The following GPR180 variants were observed in gnomAD, a reference collection of about 807,000 sequenced individuals.
The protein encoded by GPR180 is integral membrane protein GPR180.
A neutral mutation model predicts 52.6 loss-of-function variants in GPR180; 53 were observed. The ratio of observed to expected loss-of-function variants is 1.01; its 90% confidence interval spans 0.81 to 1.27. The LOEUF (loss-of-function observed/expected upper bound fraction) is 1.27. Ranked by LOEUF, GPR180 falls within the 50% of genes most tolerant of loss-of-function variation. The pLI is 0.00. For synonymous variants in GPR180, 200 were observed against 193.1 expected (o/e 1.04, Z -0.30); for missense variants, 533 against 527.0 (o/e 1.01, Z -0.11).
At position 94,627,096 on chromosome 13, in the gene GPR180, G is replaced by T; in HGVS notation, c.1248G>T (p.Trp416Cys). The T allele has an allele frequency of 6.2e-7, 1 of 1,612,402 alleles. No homozygotes were observed. The highest frequency in any genetic ancestry group is 8.5e-7 in the Non-Finnish European group (1 of 1,178,896). Residue 416 changes from tryptophan (W) to cysteine (C), a missense_variant, in exon 9 of 9, where the codon TGG becomes TGT. By Grantham distance (215) the Trp-to-Cys change is radical (BLOSUM62 -2). Transcript: ENST00000376958. ...YRLFLSHSLY[W>C]EVSSLSSVTL... is the part of the protein sequence containing the mutation. Reference sequence around the variant, plus strand: ...TCTTTCTGTCTCACAGTCTATACTGGGAAGTTTCTTCACTTTCTTCAGTAA... The same window carrying T: ...TCTTTCTGTCTCACAGTCTATACTGTGAAGTTTCTTCACTTTCTTCAGTAA...
At chr13:94,612,732 T>C (rs912114193) in intron 3 of GPR180, among the ~76,000 whole-genome samples, 2 of 152,364 alleles carry the variant, frequency 1.3e-5, no homozygotes, top group Admixed American at 6.5e-5. Context: ...GTTTATAGTT[T>C]ATACATTCTA....
At position 94,602,027 on chromosome 13, in the gene GPR180, G is replaced by T. The variant is rs769396995; in HGVS notation, c.100G>T (p.Ala34Ser). 5.5e-6 allele frequency: 8 copies of T among 1,453,634 alleles called. No individual in the cohort carries two copies. The South Asian group carries it at 8.3e-5, about 15-fold the overall frequency. The allele number at this position is 1,453,634 out of a possible 1,614,324, so 90.0% of individuals were successfully genotyped here. A position where few individuals can be genotyped will look rare whatever the true frequency, so the allele number is the denominator to read the frequency against. The change falls in exon 1 of 9, where the codon GCC (alanine) becomes TCC (serine). Residue 34 changes from alanine (A) to serine (S), a missense_variant. Ala to Ser is a moderately conservative substitution (Grantham distance 99). Transcript: ENST00000376958. ...GCGGGGCAGCTTCAGCAGCACCGCG[G>T]CCCAGGACGCCCAGGGCCAGCGCAT... is the stretch of plus-strand genomic sequence containing the variant. ...TLRGSFSSTA[A>S]QDAQGQRIGH...
Position 94,623,281 on chromosome 13 carries a change from T to C in GPR180, c.1067T>C (p.Phe356Ser). 1.2e-6 allele frequency: 2 copies of C among 1,612,336 alleles called. No homozygotes were observed. The highest frequency in any genetic ancestry group is 1.7e-6 in the Non-Finnish European group (2 of 1,179,072). Residue 356 changes from phenylalanine (F) to serine (S), a missense_variant, in exon 7 of 9, where the codon TTC becomes TCC. Transcript: ENST00000376958. The part of the protein sequence containing the change: ...TVERSTLKRE[F>S]YITFAKGCIL... ...GAGAGAAGTACACTCAAAAGGGAGTTCTACATCACATTTGCCAAAGTATGG... is the reference window on the plus strand; with the variant it reads ...GAGAGAAGTACACTCAAAAGGGAGTCCTACATCACATTTGCCAAAGTATGG...
rs1401078425 is a variant in GPR180 at position 94,629,180 on chromosome 13, G to A, written c.*2009G>A. 6.6e-6 allele frequency: 1 copy of A among 152,110 alleles called. No homozygotes were observed. Among genetic ancestry groups the A allele is most frequent in the Non-Finnish European group, 1.5e-5 (1 of 67,974 alleles). The allele number at this position is 152,110 out of a possible 1,614,324, so 9.4% of individuals were successfully genotyped here. On this transcript the variant is annotated 3_prime_UTR_variant, in exon 9 of 9. Coordinates refer to ENST00000376958, the MANE Select transcript of GPR180 (RefSeq NM_180989.6). Reference sequence around the variant, plus strand: ...TTTATAGTTCATAAGTCATGACACAGTATTCGCTCTTTTTCTGAATGTTTA... The same window carrying A: ...TTTATAGTTCATAAGTCATGACACAATATTCGCTCTTTTTCTGAATGTTTA...
chr13:94,622,878 A>G (rs1475798065), intron 6 of GPR180, among the ~76,000 whole-genome samples: 1 of 152,202 alleles, frequency 6.6e-6, no homozygotes, highest in Non-Finnish European at 1.5e-5. Flanking sequence ...CCCGGCAGCA[A>G]TAGAATTTTT....
intron 5 of GPR180, among the ~76,000 whole-genome samples, 163 bp downstream of exon 5, chr13:94,619,680 T>C (rs7318105): frequency 0.34 from 51,760 of 152,156 alleles, 10,177 homozygotes; most frequent in African/African-American, 0.53. Flanking sequence ...ACTTAGTTTC[T>C]TCTTAATAAT....
At position 94,627,081 on chromosome 13, in the gene GPR180, T is replaced by C; in HGVS notation, c.1233T>C (p.Ser411=). The C allele has an allele frequency of 6.2e-7, 1 of 1,611,698 alleles. No individual in the cohort carries two copies. Among genetic ancestry groups the C allele is most frequent in the Non-Finnish European group, 8.5e-7 (1 of 1,178,104 alleles). ...TTATTCTCTACAGACTCTTTCTGTCTCACAGTCTATACTGGGAAGTTTCTT... is the reference window on the plus strand; with the variant it reads ...TTATTCTCTACAGACTCTTTCTGTCCCACAGTCTATACTGGGAAGTTTCTT... ...SMVILYRLFL[S]HSLYWEVSSL... Residue 411 remains serine, a synonymous_variant, in exon 9 of 9, where the codon TCT becomes TCC. Transcript: ENST00000376958.
Position 94,626,057 on chromosome 13 carries a change from A to G in GPR180, c.1164+14A>G, listed in dbSNP as rs368087160. The G allele has an allele frequency of 1.7e-5, 26 of 1,547,054 alleles. No individual in the cohort carries two copies. Among genetic ancestry groups the G allele is most frequent in the Admixed American group, 1.0e-4 (6 of 59,632 alleles). On this transcript the variant is annotated intron_variant, in intron 8 of 8. Transcript: ENST00000376958. ...CAAAGAGACAAGGTAAGAAATATAC[A>G]TGATCAAAGTAGTTTTCTTAATGAA...
chr13:94,622,756 G>A (rs988669024), intron 6 of GPR180, among the ~76,000 whole-genome samples: 1 of 152,136 alleles, frequency 6.6e-6, no homozygotes, highest in South Asian at 2.1e-4. Context: ...TGTATTTTTA[G>A]TAGAGGTGGG....
chr13:94,623,297 C>G lies in GPR180; in HGVS notation c.1083C>G (p.Ala361=), dbSNP rs1421951520. 4 of 1,608,350 alleles carry G rather than the reference C, an allele frequency of 2.5e-6. No homozygotes were observed. The South Asian group carries it at 4.4e-5, about 18-fold the overall frequency. ...AAAGGGAGTTCTACATCACATTTGC[C>G]AAAGTATGGGTTTGGAAAGAAAATC... ...TLKREFYITF[A]KGCILWFLCH... Residue 361 remains alanine, a synonymous_variant, in exon 7 of 9, where the codon GCC becomes GCG. Transcript: ENST00000376958.
intron 5 of GPR180, among the ~76,000 whole-genome samples, chr13:94,619,719 TTTTG>T (rs996703845): frequency 3.3e-5 from 5 of 152,170 alleles, no homozygotes; most frequent in East Asian, 3.9e-4. Flanking sequence ...CTCGTTGTTT[TTTTG>T]TTTGTTTGTT....
chr13:94,622,504 G>T (rs12430117), intron 6 of GPR180, among the ~76,000 whole-genome samples: 3,120 of 152,204 alleles, frequency 0.02, 90 homozygotes, highest in Admixed American at 0.075. Context: ...AAATACATAC[G>T]TATTTTATAC....
At position 94,627,088 on chromosome 13, in the gene GPR180, C is replaced by G; in HGVS notation, c.1240C>G (p.Leu414Val). ...CTACAGACTCTTTCTGTCTCACAGT[C>G]TATACTGGGAAGTTTCTTCACTTTC... ...ILYRLFLSHS[L>V]YWEVSSLSSV... Residue 414 changes from leucine to valine, a missense_variant, in exon 9 of 9, where the codon CTA becomes GTA. Transcript: ENST00000376958. 9 of 1,611,994 alleles carry G rather than the reference C, an allele frequency of 5.6e-6. No homozygotes were observed. The highest frequency in any genetic ancestry group is 7.6e-6 in the Non-Finnish European group (9 of 1,178,434).
At chr13:94,605,689 GCTGAGTT>G (rs1889620996) in intron 2 of GPR180, 140 bp downstream of exon 2, 1 of 654,542 alleles carries the variant, frequency 1.5e-6, no homozygotes, top group Non-Finnish European at 2.4e-6. Context: ...TACATTTTAA[GCTGAGTT>G]TTAACAGTGC....
In GPR180 at chr13:94,632,812, A is replaced by C. The variant is rs1890016652; in HGVS notation, c.*5641A>C. On this transcript the variant is annotated 3_prime_UTR_variant, in exon 9 of 9. Transcript: ENST00000376958. ...GTTTTGAGTCATATGATATTAGCCCAACCTCTGAGGTGGAGAGAGGGGTTA... is the reference window on the plus strand; with the variant it reads ...GTTTTGAGTCATATGATATTAGCCCCACCTCTGAGGTGGAGAGAGGGGTTA... 6.6e-6 allele frequency: 1 copy of C among 152,240 alleles called. No homozygotes were observed. Among genetic ancestry groups the C allele is most frequent in the Non-Finnish European group, 1.5e-5 (1 of 68,050 alleles). The allele number at this position is 152,240 out of a possible 1,614,324, so 9.4% of individuals were successfully genotyped here.
At chr13:94,624,113 CCTT>C (rs765367865) in intron 7 of GPR180, among the ~76,000 whole-genome samples, 4 of 152,232 alleles carry the variant, frequency 2.6e-5, no homozygotes, top group African/African-American at 9.6e-5. Flanking sequence ...CCTTTCTTGA[CCTT>C]CTTGTGCTAG....
At chr13:94,617,580 C>T (rs1350274395) in intron 3 of GPR180, among the ~76,000 whole-genome samples, 3 of 152,172 alleles carry the variant, frequency 2.0e-5, no homozygotes, top group Non-Finnish European at 4.4e-5. Flanking sequence ...AGGAGAGACA[C>T]CCAGTGGCAG....
At chr13:94,620,392 CTGT>C (rs1889836915) in intron 5 of GPR180, among the ~76,000 whole-genome samples, 1 of 152,138 alleles carries the variant, frequency 6.6e-6, no homozygotes, top group African/African-American at 2.4e-5. Flanking sequence ...TTATAGATTT[CTGT>C]TGTTTTCTTG....
At chr13:94,605,621 A>G (rs1889619265) in intron 2 of GPR180, 72 bp downstream of exon 2, 3 of 1,215,270 alleles carry the variant, frequency 2.5e-6, no homozygotes, top group Non-Finnish European at 3.5e-6. Context: ...ATAGTACCAT[A>G]TGTACATATG....
Sources: gnomAD v4.1 joint callset for allele counts (sites outside exome capture counted in the v4.1 genomes callset) on GRCh38, gnomAD v4.1.1 for gene constraint, MANE v1.5 for transcripts, NCBI Gene and HGNC (gene_info 2026-07-23, HGNC 2026-07-21) for gene names.